The following TNS1 variants were observed in gnomAD, a reference collection of about 807,000 sequenced individuals.
TNS1 encodes tensin 1.
In TNS1, 62 loss-of-function variants were observed where a neutral mutation model predicts 168.6. The ratio of observed to expected loss-of-function variants is 0.37; its 90% CI spans 0.30 to 0.45. The LOEUF (loss-of-function observed/expected upper bound fraction) is 0.45, where lower values mean the gene tolerates loss of function less well. Among genes scored for constraint, TNS1 ranks in the 20% least tolerant of loss-of-function variants. The pLI is 1.00. For missense variants in TNS1, 2,240 were observed against 2,339.4 expected, an observed-to-expected ratio of 0.96 and a Z score of 0.88; for synonymous variants, 934 against 933.2, an observed-to-expected ratio of 1.00 and a Z score of -0.02.
chr2:217,826,821 G>A (rs561439545), intron 22 of TNS1, among the ~76,000 whole-genome samples: 1 of 152,342 alleles, frequency 6.6e-6, no homozygotes, highest in African/African-American at 2.4e-5. Flanking sequence ...AAGAGCAGCT[G>A]CAGCACAGGG....
upstream of TNS1, among the ~76,000 whole-genome samples, chr2:218,003,212 C>T (rs1444259731): frequency 9.9e-5 from 15 of 151,346 alleles, no homozygotes; most frequent in East Asian, 5.9e-4. Flanking sequence ...CCCCCACCCC[C>T]GGACACACAA....
upstream of TNS1, among the ~76,000 whole-genome samples, chr2:218,013,112 G>A (rs766849661): frequency 3.4e-4 from 52 of 151,876 alleles, no homozygotes; most frequent in Non-Finnish European, 6.9e-4. Flanking sequence ...AAAAATTAGC[G>A]GTGCGTGGTG....
At chr2:217,858,299 G>C (rs529060195) in intron 18 of TNS1, among the ~76,000 whole-genome samples, 2 of 151,976 alleles carry the variant, frequency 1.3e-5, no homozygotes, top group Non-Finnish European at 2.9e-5. Flanking sequence ...CACCAGGCCC[G>C]TCACATCCAC....
At chr2:217,849,683 T>A (rs1358532235) in intron 18 of TNS1, 4 of 985,328 alleles carry the variant, frequency 4.1e-6, no homozygotes, top group Non-Finnish European at 4.8e-6. Context: ...TCACCCCTGC[T>A]TCGATGTCTG....
intron 18 of TNS1, among the ~76,000 whole-genome samples, chr2:217,878,280 A>G (rs2125631043): frequency 6.6e-6 from 1 of 152,232 alleles, no homozygotes; most frequent in Admixed American, 6.5e-5. Flanking sequence ...CATGGGTGAG[A>G]GGTAGCAGCC....
intron 28 of TNS1, among the ~76,000 whole-genome samples, chr2:217,811,477 G>A (rs749200045): frequency 2.6e-5 from 4 of 152,170 alleles, no homozygotes; most frequent in Non-Finnish European, 5.9e-5. Context: ...GCGGTGTTAT[G>A]TGTGGGCATA....
intron 18 of TNS1, chr2:217,850,233 G>T (rs1295694642): frequency 1.0e-6 from 1 of 985,268 alleles, no homozygotes; most frequent in Non-Finnish European, 1.2e-6. Context: ...GCCAAGGTGG[G>T]GCTCAGCCAA....
At chr2:217,990,016 T>A in intron 2 of TNS1, among the ~76,000 whole-genome samples, 1 of 138,492 alleles carries the variant, frequency 7.2e-6, no homozygotes, top group Non-Finnish European at 1.6e-5. Context: ...CCACACACCC[T>A]CAGCACACAT....
At chr2:217,980,506 C>CACAGAG (rs1283664403) in intron 2 of TNS1, among the ~76,000 whole-genome samples, 4 of 117,574 alleles carry the variant, frequency 3.4e-5, no homozygotes, top group African/African-American at 1.2e-4. Flanking sequence ...TACACACACA[C>CACAGAG]AGAGAGAGAG....
At chr2:218,027,156 G>A (rs1333724198) in intron 1 of TNS1, among the ~76,000 whole-genome samples, 13 of 152,040 alleles carry the variant, frequency 8.6e-5, no homozygotes, top group Admixed American at 5.2e-4. Flanking sequence ...CCAGCCATGT[G>A]AGGACACCCA....
At position 217,998,244 on chromosome 2, in the gene TNS1, T is replaced by TCTCTCTCTCC. The variant is rs1958504983; in HGVS notation, c.33+4595_33+4596insGGAGAGAGAG. On this transcript the variant is annotated intron_variant, in intron 1 of 32. Transcript: ENST00000682258. ...GTGTCTCTCTCTCTCTCTCTCTCTC[T>TCTCTCTCTCC]CCTGAGCGAGATGAGTTCTCTCCAT... Among the ~76,000 whole-genome samples, 14 of 151,786 alleles carry TCTCTCTCTCC rather than the reference T, an allele frequency of 9.2e-5. No homozygotes were observed. The South Asian group carries it at 2.5e-3, about 27-fold the overall frequency.
In TNS1 at chr2:217,878,185, G is replaced by A. The variant is rs374718455; in HGVS notation, c.1429+2713C>T. Among the ~76,000 whole-genome samples, 3 of 152,310 alleles carry A rather than the reference G, an allele frequency of 2.0e-5. No homozygotes were observed. The South Asian group carries it at 6.2e-4, about 32-fold the overall frequency. ...CGCCTGCCTCAGGGCAAGCCCAGTG[G>A]CCTCCGGGGTGCCACGCTCCAGCAC... On this transcript the variant is annotated intron_variant, in intron 18 of 32. Transcript: ENST00000682258.
intron 3 of TNS1, among the ~76,000 whole-genome samples, chr2:217,952,339 C>T (rs955611990): frequency 5.3e-5 from 8 of 152,194 alleles, no homozygotes; most frequent in African/African-American, 1.9e-4. Context: ...GATAATGAGA[C>T]AGCAAATAAG....
intron 21 of TNS1, among the ~76,000 whole-genome samples, chr2:217,833,673 C>T (rs1163778709): frequency 1.3e-5 from 2 of 152,238 alleles, no homozygotes; most frequent in Non-Finnish European, 2.9e-5. Flanking sequence ...GCTCTAGGCT[C>T]ACCCTGTCCA....
At chr2:217,976,400 A>T (rs1332945912) in intron 3 of TNS1, among the ~76,000 whole-genome samples, 3 of 152,166 alleles carry the variant, frequency 2.0e-5, no homozygotes, top group Non-Finnish European at 2.9e-5. Flanking sequence ...GCAGGAGGAA[A>T]AGGCAGGGCG....
At chr2:217,849,822 C>T (rs1947220164) in intron 18 of TNS1, 1 of 985,286 alleles carries the variant, frequency 1.0e-6, no homozygotes, top group African/African-American at 1.7e-5. Flanking sequence ...AGGGGGAGAA[C>T]CCAGGAGGGC....
intron 3 of TNS1, among the ~76,000 whole-genome samples, chr2:217,941,100 CAT>C (rs903368586): frequency 3.3e-5 from 5 of 152,240 alleles, no homozygotes; most frequent in African/African-American, 4.8e-5. Context: ...AACTGAGGCT[CAT>C]ATGAGACCCA....
At chr2:217,961,213 A>C (rs1957486934) in intron 3 of TNS1, among the ~76,000 whole-genome samples, 1 of 147,912 alleles carries the variant, frequency 6.8e-6, no homozygotes, top group African/African-American at 2.5e-5. Flanking sequence ...CCACCATCTC[A>C]GGGTGTCTCT....
At chr2:217,907,286 G>A (rs1953825417) in intron 4 of TNS1, 35 bp from the exon 5 acceptor site, 1 of 702,720 alleles carries the variant, frequency 1.4e-6, no homozygotes, top group Non-Finnish European at 2.6e-6. Context: ...TGAGCCCTTA[G>A]GGCAGACATC....
Sources: allele counts gnomAD v4.1 joint callset (sites outside exome capture counted in the v4.1 genomes callset), GRCh38; gene constraint gnomAD v4.1.1; transcripts MANE v1.5; gene names NCBI Gene and HGNC (gene_info 2026-07-23, HGNC 2026-07-21).